The following SEC16A variants were observed in gnomAD, a reference collection of about 807,000 sequenced individuals.
SEC16A encodes SEC16 homolog A, endoplasmic reticulum export factor.
A neutral mutation model predicts 221.9 loss-of-function variants in SEC16A; 110 were observed. The ratio of observed to expected loss-of-function variants is 0.50; its 90% CI spans 0.42 to 0.58. SEC16A has a LOEUF of 0.58. SEC16A is among the 20% of genes least tolerant of loss of function. The pLI is 0.00. For missense variants in SEC16A, 3,165 were observed against 3,097.8 expected, an observed-to-expected ratio of 1.02 and a Z score of -0.52; for synonymous variants, 1,393 against 1,257.7, an observed-to-expected ratio of 1.11 and a Z score of -2.28.
intron 8 of SEC16A, 49 bp from the exon 9 acceptor site, chr9:136,464,611 C>G: frequency 4.6e-6 from 7 of 1,513,908 alleles, no homozygotes; most frequent in Non-Finnish European, 6.3e-6. Flanking sequence ...GTCACTGATG[C>G]TTCTGAGCCT....
Position 136,476,134 on chromosome 9 carries a change from C to T in SEC16A, c.1482G>A (p.Gly494=). The change falls in exon 3 of 32, where the codon GGG becomes GGA. Residue 494 remains glycine (G), a synonymous_variant. Transcript: ENST00000684901. ...CAGCACCATGCCTGGGCACAGCTGGCCCAGGAAGGGGCCCATATCTGAACT... is the reference window on the plus strand; with the variant it reads ...CAGCACCATGCCTGGGCACAGCTGGTCCAGGAAGGGGCCCATATCTGAACT... ...SDQFRYGPLP[G]PAVPRHGAVC... The T allele has an allele frequency of 1.9e-6, 3 of 1,613,616 alleles. No individual in the cohort carries two copies. Among genetic ancestry groups the T allele is most frequent in the East Asian group, 2.2e-5 (1 of 44,900 alleles).
intron 2 of SEC16A, 64 bp from the exon 3 acceptor site, chr9:136,477,748 G>A: frequency 1.5e-6 from 2 of 1,377,848 alleles, no homozygotes; most frequent in Non-Finnish European, 1.9e-6. Flanking sequence ...CTGCAATCAG[G>A]AAAACTAAGG....
In SEC16A at chr9:136,472,037, G is replaced by A. The variant is rs1186579306; in HGVS notation, c.3642C>T (p.Arg1214=). The change falls in exon 4 of 32, where the codon CGC becomes CGT. Residue 1214 remains arginine (R), a synonymous_variant. Transcript: ENST00000684901. ...AGCTGGGCCGCTCGGGCTCGGGATA[G>A]CGGTAGTTCTGGGCGTAAGCAGACG... ...GAASAYAQNY[R]YPEPERPSSR... 6.2e-7 allele frequency: 1 copy of A among 1,613,012 alleles called. No homozygotes were observed.
Position 136,475,281 on chromosome 9 carries a change from C to G in SEC16A, c.2335G>C (p.Val779Leu). 7 of 1,613,470 alleles carry G rather than the reference C, an allele frequency of 4.3e-6. No individual in the cohort carries two copies. Among genetic ancestry groups the G allele is most frequent in the Non-Finnish European group, 4.2e-6 (5 of 1,179,824 alleles). ...QSRNPSSAAP[V>L]QSRGGIGASE... The stretch of plus-strand genomic sequence containing the variant: ...GCACCAATGCCACCTCGGCTCTGCA[C>G]CGGGGCCGCCGAGCTTGGGTTCCGT... Residue 779 changes from valine (V) to leucine (L), a missense_variant, in exon 3 of 32, where the codon GTG becomes CTG. Val to Leu is a conservative substitution (Grantham distance 32). Around this residue, in one of 3 missense-constraint regions of SEC16A, gnomAD observed 2,030 missense variants for 1,923.1 expected, o/e 1.06. Coordinates refer to ENST00000684901, the MANE Select transcript of SEC16A (RefSeq NM_014866.2). The surrounding 1 kb of genome is among the most constrained non-coding windows in gnomAD (Gnocchi z 5.0).
intron 23 of SEC16A, among the ~76,000 whole-genome samples, chr9:136,449,216 AACTTT>A (rs1170314648): frequency 5.3e-5 from 8 of 152,096 alleles, no homozygotes; most frequent in Non-Finnish European, 8.8e-5. Flanking sequence ...GTTATTAGGA[AACTTT>A]ACTTTATTCT....
At position 136,466,611 on chromosome 9, in the gene SEC16A, C is replaced by T; in HGVS notation, c.3930-149G>A. 1.3e-6 allele frequency: 1 copy of T among 753,160 alleles called. No homozygotes were observed. Among genetic ancestry groups the T allele is most frequent in the Non-Finnish European group, 2.1e-6 (1 of 475,024 alleles). The allele number at this position is 753,160 out of a possible 1,614,324, so 46.7% of individuals were successfully genotyped here. A position where few individuals can be genotyped will look rare whatever the true frequency, so the allele number is the denominator to read the frequency against. On this transcript the variant is annotated intron_variant, in intron 6 of 31. Coordinates refer to ENST00000684901, the MANE Select transcript of SEC16A (RefSeq NM_014866.2). The surrounding 1 kb of genome is among the most constrained non-coding windows in gnomAD (Gnocchi z 5.5). ...CCGACACTCAGGGCCCTCTGACGTGCAACGTTAGAGAAGTACTGCGAATGC... is the reference window on the plus strand; with the variant it reads ...CCGACACTCAGGGCCCTCTGACGTGTAACGTTAGAGAAGTACTGCGAATGC...
In SEC16A at chr9:136,466,322, A is replaced by G. The variant is rs1338108593; in HGVS notation, c.4070T>C (p.Leu1357Pro). The G allele has an allele frequency of 7.0e-6, 11 of 1,570,782 alleles. No individual in the cohort carries two copies. Among genetic ancestry groups the G allele is most frequent in the Non-Finnish European group, 9.5e-6 (11 of 1,158,600 alleles). ...SVHSEHSARS[L>P]HSAHSLASRR... ...GCTGGCCAGGCTGTGTGCGCTGTGC[A>G]GGCTCCGTGCCGAGTGCTCGCTGTG... Residue 1357 changes from leucine to proline, a missense_variant, in exon 7 of 32, where the codon CTG (leucine) becomes CCG (proline). Physicochemically the swap from Leu to Pro is moderately conservative, Grantham distance 98. Coordinates refer to ENST00000684901, the MANE Select transcript of SEC16A (RefSeq NM_014866.2). This position sits in a 1 kb window ranked among gnomAD's most constrained non-coding sequence, Gnocchi z 5.5.
Position 136,476,284 on chromosome 9 carries a change from C to A in SEC16A, c.1332G>T (p.Ala444=). Residue 444 remains alanine, a synonymous_variant, in exon 3 of 32, where the codon GCG becomes GCT. Transcript: ENST00000684901. ...EAAGDVWGDT[A]STGVPDASGS... is the part of the protein sequence containing the mutation. ...CGCTGGCATCCGGCACCCCTGTGCT[C>A]GCTGTGTCACCCCACACATCACCAG... 6.2e-7 allele frequency: 1 copy of A among 1,613,164 alleles called. No individual in the cohort carries two copies. Among genetic ancestry groups the A allele is most frequent in the South Asian group, 1.1e-5 (1 of 91,068 alleles).
intron 11 of SEC16A, 93 bp downstream of exon 11, chr9:136,463,370 G>A (rs561590618): frequency 5.8e-4 from 869 of 1,510,122 alleles, no homozygotes; most frequent in African/African-American, 4.8e-4. Context: ...CTGGCCACGC[G>A]GATCCCGCCC....
chr9:136,456,172 C>CA lies in SEC16A; in HGVS notation c.5551-7dup, dbSNP rs1387680285. 1 of 1,607,664 alleles carries CA rather than the reference C, an allele frequency of 6.2e-7. No individual in the cohort carries two copies. The highest frequency in any genetic ancestry group is 1.1e-5 in the South Asian group (1 of 90,878). ...AGTCGTAACTGGGAAGCCATCTAGA[C>CA]ACGGGCAAAAATCAAAGGCCCCTGT... On this transcript the variant is annotated splice_polypyrimidine_tract_variant and splice_region_variant and intron_variant, in intron 18 of 31. Coordinates refer to ENST00000684901, the MANE Select transcript of SEC16A (RefSeq NM_014866.2).
chr9:136,462,035 G>A (rs539340309), intron 12 of SEC16A, among the ~76,000 whole-genome samples: 1 of 152,028 alleles, frequency 6.6e-6, no homozygotes, highest in Non-Finnish European at 1.5e-5. Flanking sequence ...TTGAACCCAG[G>A]AGGTCGAGGC....
chr9:136,453,519 G>A lies in SEC16A; in HGVS notation c.6077-9C>T, dbSNP rs750649102. ...CTCCTGCGGCACTATCCCTGTCAAC[G>A]GGAAAGAGAGCAACTATGATCTCAG... On this transcript the variant is annotated splice_polypyrimidine_tract_variant and intron_variant, in intron 21 of 31. Coordinates refer to ENST00000684901, the MANE Select transcript of SEC16A (RefSeq NM_014866.2). 49 of 1,608,078 alleles carry A rather than the reference G, an allele frequency of 3.0e-5. No individual in the cohort carries two copies. The Admixed American group carries it at 4.5e-4, about 15-fold the overall frequency.
intron 12 of SEC16A, 64 bp from the exon 13 acceptor site, chr9:136,461,338 A>C: frequency 2.5e-6 from 3 of 1,190,232 alleles, no homozygotes; most frequent in Non-Finnish European, 3.7e-6. Flanking sequence ...ATGAGTCAAG[A>C]CAGGCCATGT....
Position 136,441,281 on chromosome 9 carries a change from G to T in SEC16A, c.*474C>A, listed in dbSNP as rs992232650. The T allele has an allele frequency of 5.3e-6, 1 of 186,924 alleles. No homozygotes were observed. Among genetic ancestry groups the T allele is most frequent in the Admixed American group, 5.3e-5 (1 of 18,858 alleles). The allele number at this position is 186,924 out of a possible 1,614,324, so 11.6% of individuals were successfully genotyped here. Reference sequence around the variant, plus strand: ...CGAGGGCCCAGATGGTGCAGAGCAGGGGTTGGGGTCTGCCTCAGTCACCCT... The same window carrying T: ...CGAGGGCCCAGATGGTGCAGAGCAGTGGTTGGGGTCTGCCTCAGTCACCCT... On this transcript the variant is annotated 3_prime_UTR_variant, in exon 32 of 32. Coordinates refer to ENST00000684901, the MANE Select transcript of SEC16A (RefSeq NM_014866.2).
At chr9:136,478,995 A>C (rs1413130725) in intron 1 of SEC16A, among the ~76,000 whole-genome samples, 165 bp from the exon 2 acceptor site, 1 of 152,162 alleles carries the variant, frequency 6.6e-6, no homozygotes, top group Admixed American at 6.5e-5. Flanking sequence ...GCAAGATGTT[A>C]CCTTTGAACT....
rs755355232 is a variant in SEC16A, at chr9:136,475,973, T to C, written c.1643A>G (p.Gln548Arg). 5.6e-6 allele frequency: 9 copies of C among 1,613,484 alleles called. No homozygotes were observed. Among genetic ancestry groups the C allele is most frequent in the Non-Finnish European group, 7.6e-6 (9 of 1,179,890 alleles). ...RPQELVGTFI[Q>R]QEVGKPEDEA... is the part of the protein sequence containing the mutation. ...ATCCTCGGGTTTTCCAACTTCTTGC[T>C]GAATGAATGTGCCAACCAGCTCCTG... The change falls in exon 3 of 32, where the codon CAG becomes CGG. Residue 548 changes from glutamine to arginine, a missense_variant. Physicochemically the swap from Gln to Arg is conservative, Grantham distance 43. Transcript: ENST00000684901. The surrounding 1 kb of genome is among the most constrained non-coding windows in gnomAD (Gnocchi z 5.0).
In SEC16A at chr9:136,466,065, G is replaced by C; in HGVS notation, c.4200C>G (p.His1400Gln). 1 of 1,613,280 alleles carries C rather than the reference G, an allele frequency of 6.2e-7. No individual in the cohort carries two copies. Among genetic ancestry groups the C allele is most frequent in the Non-Finnish European group, 8.5e-7 (1 of 1,179,664 alleles). The change falls in exon 8 of 32, where the codon CAC (histidine) becomes CAG (glutamine). Residue 1400 changes from histidine to glutamine, a missense_variant. By Grantham distance (24) the His-to-Gln change is conservative. Around this residue, in one of 3 missense-constraint regions of SEC16A, gnomAD observed 2,030 missense variants for 1,923.1 expected, o/e 1.06. Transcript: ENST00000684901. This position sits in a 1 kb window ranked among gnomAD's most constrained non-coding sequence, Gnocchi z 5.5. ...YEAPLPPGSF[H>Q]GDFAYGTYRS... ...GGTAGGTGCCGTAGGCAAAATCGCCGTGAAAGGAGCCTGGAGGAAGCGGGG... is the reference window on the plus strand; with the variant it reads ...GGTAGGTGCCGTAGGCAAAATCGCCCTGAAAGGAGCCTGGAGGAAGCGGGG...
chr9:136,474,585 G>T lies in SEC16A; in HGVS notation c.3031C>A (p.Pro1011Thr), dbSNP rs768738608. 22 of 1,612,918 alleles carry T rather than the reference G, an allele frequency of 1.4e-5. No individual in the cohort carries two copies. The highest frequency in any genetic ancestry group is 1.8e-5 in the Non-Finnish European group (21 of 1,179,826). Residue 1011 changes from proline (P) to threonine (T), a missense_variant, in exon 3 of 32, where the codon CCG becomes ACG. This residue lies in a region of SEC16A where 2,030 missense variants were observed against 1,923.1 expected (regional missense o/e 1.06). Transcript: ENST00000684901. ...GAAGCGAGGCTGTCAGAATGGGACG[G>T]GTTGTACACGTTTACAGGATTTTCC... ...TLENPVNVYN[P>T]SHSDSLASQQ...
At chr9:136,464,166 G>A (rs1174283454) in intron 9 of SEC16A, among the ~76,000 whole-genome samples, 6 of 147,186 alleles carry the variant, frequency 4.1e-5, no homozygotes, top group South Asian at 2.2e-4. Context: ...TCCCCAAAAC[G>A]AGGACAGAAA....
Sources: gnomAD v4.1 joint callset for allele counts (sites outside exome capture counted in the v4.1 genomes callset) on GRCh38, gnomAD v4.1.1 for gene constraint, gnomAD v4.1.1 regional missense constraint, Gnocchi (gnomAD v3.1) non-coding constraint, MANE v1.5 for transcripts, NCBI Gene and HGNC (gene_info 2026-07-23, HGNC 2026-07-21) for gene names.